Variants in ANO3 observed in about 807,000 individuals in gnomAD.
ANO3 encodes anoctamin 3.
In ANO3, 99 loss-of-function variants were observed where a neutral mutation model predicts 144.8. That is an observed-to-expected ratio of 0.68 (90% confidence interval 0.58 to 0.81). The LOEUF (loss-of-function observed/expected upper bound fraction) is 0.81. Ranked by LOEUF, ANO3 falls within the 30% of genes least tolerant of loss-of-function variation. The pLI is 0.00. For synonymous variants in ANO3, 414 were observed against 392.6 expected, an observed-to-expected ratio of 1.05 and a Z score of -0.64; for missense variants, 905 against 1,202.2, an observed-to-expected ratio of 0.75 and a Z score of 3.66.
At chr11:26,658,165 A>G (rs1422746224) in intron 26 of ANO3, among the ~76,000 whole-genome samples, 1 of 148,804 alleles carries the variant, frequency 6.7e-6, no homozygotes, top group East Asian at 2.0e-4. Context: ...TCTCGTGCAC[A>G]TAGATATCCA....
chr11:26,580,151 T>C (rs913368731), intron 14 of ANO3, among the ~76,000 whole-genome samples: 7 of 151,192 alleles, frequency 4.6e-5, no homozygotes, highest in African/African-American at 1.7e-4. Context: ...GTTAAAAATA[T>C]TTTAATCAAC....
chr11:26,293,310 A>G, intron 1 of ANO3, among the ~76,000 whole-genome samples: 1 of 151,866 alleles, frequency 6.6e-6, no homozygotes, highest in East Asian at 1.9e-4. Flanking sequence ...GAAAAAATAT[A>G]TAAATAGAAA....
At chr11:26,205,800 A>G (rs776434515) in intron 1 of ANO3, among the ~76,000 whole-genome samples, 3 of 152,198 alleles carry the variant, frequency 2.0e-5, no homozygotes, top group African/African-American at 4.8e-5. Context: ...GGCATTGTCT[A>G]AGTCCCGAGC....
chr11:26,201,706 A>T (rs1234549131), intron 1 of ANO3, among the ~76,000 whole-genome samples: 2 of 151,798 alleles, frequency 1.3e-5, no homozygotes, highest in African/African-American at 2.4e-5. Flanking sequence ...ATGTCATGAT[A>T]GTGGAGTAGT....
chr11:26,289,568 ATACAC>A (rs1335111980), intron 1 of ANO3, among the ~76,000 whole-genome samples: 3 of 118,662 alleles, frequency 2.5e-5, no homozygotes, highest in African/African-American at 1.2e-4. Flanking sequence ...ATATGTACAT[ATACAC>A]ATATATCCTA....
intron 4 of ANO3, among the ~76,000 whole-genome samples, chr11:26,505,474 A>C (rs1181982347): frequency 6.6e-6 from 1 of 152,242 alleles, no homozygotes; most frequent in African/African-American, 2.4e-5. Flanking sequence ...TAAAGCCATG[A>C]GCTTAGAAGA....
At chr11:26,614,599 G>A (rs986267989) in intron 17 of ANO3, among the ~76,000 whole-genome samples, 10 of 152,250 alleles carry the variant, frequency 6.6e-5, no homozygotes, top group East Asian at 5.8e-4. Context: ...GGAGTTGCAC[G>A]GACCTCAGCT....
At chr11:26,619,399 A>C (rs1269201389) in intron 17 of ANO3, among the ~76,000 whole-genome samples, 1 of 152,212 alleles carries the variant, frequency 6.6e-6, no homozygotes, top group Non-Finnish European at 1.5e-5. Flanking sequence ...AATTTAAAAT[A>C]GTATTTCCTA....
intron 1 of ANO3, among the ~76,000 whole-genome samples, chr11:26,273,226 G>GT (rs111972372): frequency 0.045 from 5,780 of 127,716 alleles, 131 homozygotes; most frequent in Admixed American, 0.056. Context: ...GCCTTTTAAA[G>GT]TTTTTTTTTT....
intron 1 of ANO3, among the ~76,000 whole-genome samples, chr11:26,339,100 A>G (rs1360527751): frequency 6.6e-6 from 1 of 152,026 alleles, no homozygotes; most frequent in Non-Finnish European, 1.5e-5. Context: ...TTAACGCTTA[A>G]TGAGTGAAAG....
At chr11:26,525,931 C>T (rs1249081647) in intron 7 of ANO3, among the ~76,000 whole-genome samples, 2 of 147,332 alleles carry the variant, frequency 1.4e-5, no homozygotes, top group South Asian at 2.3e-4. Flanking sequence ...GGACTTTAAT[C>T]GCAAGTTCAC....
Position 26,336,206 on chromosome 11 carries a change from C to G in ANO3, c.46+3885C>G, listed in dbSNP as rs981078878. Among the ~76,000 whole-genome samples, 8 of 152,268 alleles carry G rather than the reference C, an allele frequency of 5.3e-5. 1 individual carries two copies. The Middle Eastern group carries it at 0.024, about 453-fold the overall frequency. On this transcript the variant is annotated intron_variant, in intron 1 of 26. Coordinates refer to ENST00000256737, the MANE Select transcript of ANO3 (RefSeq NM_031418.4). ...ATTTATGATGAGCTCATGTGTCATA[C>G]AAGGGTGGGCAAGAGAAAGACAATG... is the stretch of plus-strand genomic sequence containing the variant.
chr11:26,408,866 A>G (rs77961151), intron 1 of ANO3, among the ~76,000 whole-genome samples: 102 of 147,920 alleles, frequency 6.9e-4, no homozygotes, highest in South Asian at 2.0e-3. Flanking sequence ...TCAGCAAACT[A>G]TCGCAAGGAC....
At chr11:26,317,677 A>G (rs943918944) in intron 1 of ANO3, among the ~76,000 whole-genome samples, 1 of 152,216 alleles carries the variant, frequency 6.6e-6, no homozygotes, top group Non-Finnish European at 1.5e-5. Flanking sequence ...AAATTAGTTC[A>G]ACCATTGTGG....
At chr11:26,207,388 C>T (rs1047847181) in intron 1 of ANO3, among the ~76,000 whole-genome samples, 1 of 152,086 alleles carries the variant, frequency 6.6e-6, no homozygotes, top group Non-Finnish European at 1.5e-5. Context: ...TACTTACGGT[C>T]CAATTGCCTC....
chr11:26,299,587 T>C (rs1190382897), intron 1 of ANO3, among the ~76,000 whole-genome samples: 1 of 152,088 alleles, frequency 6.6e-6, no homozygotes, highest in Admixed American at 6.5e-5. Flanking sequence ...CCTATTTGTA[T>C]AGTGATGATA....
At chr11:26,464,451 G>T (rs1859526405) in intron 4 of ANO3, among the ~76,000 whole-genome samples, 1 of 151,764 alleles carries the variant, frequency 6.6e-6, no homozygotes, top group Admixed American at 6.6e-5. Context: ...CTGACTGGAA[G>T]ACAAACACAA....
At chr11:26,438,244 A>G (rs1386158012) in intron 1 of ANO3, among the ~76,000 whole-genome samples, 1 of 152,188 alleles carries the variant, frequency 6.6e-6, no homozygotes, top group East Asian at 1.9e-4. Context: ...ATATAAAGGA[A>G]AGTTTTTAAA....
At position 26,463,153 on chromosome 11, in the gene ANO3, T is replaced by A; in HGVS notation, c.432+5T>A. The A allele has an allele frequency of 7.1e-7, 1 of 1,416,030 alleles. No homozygotes were observed. Among genetic ancestry groups the A allele is most frequent in the Admixed American group, 1.9e-5 (1 of 52,466 alleles). 87.7% of individuals were successfully genotyped at this position (1,416,030 alleles called of 1,614,324 possible). A position where few individuals can be genotyped will look rare whatever the true frequency, so the allele number is the denominator to read the frequency against. ...TTCAAGACAAAATTATCTAAGGTAA[T>A]GAGAACTAAATTATCAATAAGTCAT... On this transcript the variant is annotated splice_donor_5th_base_variant and intron_variant, in intron 4 of 26. Coordinates refer to ENST00000256737, the MANE Select transcript of ANO3 (RefSeq NM_031418.4).
Sources: allele counts gnomAD v4.1 joint callset (sites outside exome capture counted in the v4.1 genomes callset), GRCh38; gene constraint gnomAD v4.1.1; transcripts MANE v1.5; gene names NCBI Gene and HGNC (gene_info 2026-07-23, HGNC 2026-07-21).